Variants in SHROOM3 observed in about 807,000 individuals in gnomAD.
SHROOM3 encodes the protein protein Shroom3.
SHROOM3 carries 47 observed loss-of-function variants against 138.6 expected under a neutral mutation model. The ratio of observed to expected loss-of-function variants is 0.34; its 90% CI spans 0.27 to 0.43. The LOEUF (loss-of-function observed/expected upper bound fraction) is 0.43, where lower values mean the gene tolerates loss of function less well. Among genes scored for constraint, SHROOM3 ranks in the 20% least tolerant of loss-of-function variants. SHROOM3 has a pLI of 1.00. For synonymous variants in SHROOM3, 1,062 were observed against 1,063.3 expected, an observed-to-expected ratio of 1.00 and a Z score of 0.02; for missense variants, 2,491 against 2,596.5, an observed-to-expected ratio of 0.96 and a Z score of 0.88.
chr4:76,513,198 TTACATG>T, intron 1 of SHROOM3, among the ~76,000 whole-genome samples: 1 of 152,186 alleles, frequency 6.6e-6, no homozygotes, highest in East Asian at 1.9e-4. Flanking sequence ...ATCAGAGGTT[TTACATG>T]TATGCTTTCG....
At chr4:76,491,759 A>G (rs986745439) in intron 1 of SHROOM3, among the ~76,000 whole-genome samples, 7 of 152,168 alleles carry the variant, frequency 4.6e-5, no homozygotes, top group African/African-American at 1.7e-4. Context: ...TGGTCAAGCC[A>G]TTTTTAGATG....
At chr4:76,614,053 G>GTTTA (rs1734821400) in intron 2 of SHROOM3, among the ~76,000 whole-genome samples, 1 of 151,846 alleles carries the variant, frequency 6.6e-6, no homozygotes. Flanking sequence ...TTGTTTGTTT[G>GTTTA]TTTGTTTGTT....
rs189529635 is a variant in SHROOM3 at position 76,489,939 on chromosome 4, C to T, written c.168+53719C>T. Among the ~76,000 whole-genome samples the T allele has an allele frequency of 1.7e-3, 264 of 152,240 alleles. 3 individuals are homozygous for T. Among genetic ancestry groups the T allele is most frequent in the African/African-American group, 6.1e-3 (252 of 41,540 alleles). ...AACAAAAGCAGGGATTTATTGAAAACGAAAGTACCCTCCACAGTGTGGGGG... is the reference window on the plus strand; with the variant it reads ...AACAAAAGCAGGGATTTATTGAAAATGAAAGTACCCTCCACAGTGTGGGGG... On this transcript the variant is annotated intron_variant, in intron 1 of 10. Coordinates refer to ENST00000296043, the MANE Select transcript of SHROOM3 (RefSeq NM_020859.4).
intron 2 of SHROOM3, among the ~76,000 whole-genome samples, chr4:76,669,256 T>C (rs1444927357): frequency 6.6e-6 from 1 of 152,248 alleles, no homozygotes; most frequent in African/African-American, 2.4e-5. Flanking sequence ...TATAACTCTT[T>C]TGTATGTAGC....
At chr4:76,756,318 G>A (rs1309098743) in intron 7 of SHROOM3, 131 bp from the exon 8 acceptor site, 2 of 1,079,658 alleles carry the variant, frequency 1.9e-6, no homozygotes, top group East Asian at 2.6e-5. Flanking sequence ...TGTGGAAGAT[G>A]TGGAAAGCTA....
chr4:76,732,810 A>G (rs1483596395), intron 4 of SHROOM3, among the ~76,000 whole-genome samples: 2 of 152,220 alleles, frequency 1.3e-5, no homozygotes, highest in Non-Finnish European at 2.9e-5. Flanking sequence ...TGAGCAAATC[A>G]TTTAACCTTT....
At chr4:76,453,245 G>C (rs933214360) in intron 1 of SHROOM3, among the ~76,000 whole-genome samples, 25 of 151,828 alleles carry the variant, frequency 1.6e-4, no homozygotes, top group Admixed American at 1.0e-3. Context: ...GCAAACGCTT[G>C]ATATTTTCTA....
At chr4:76,489,633 C>T (rs933017026) in intron 1 of SHROOM3, among the ~76,000 whole-genome samples, 1 of 152,046 alleles carries the variant, frequency 6.6e-6, no homozygotes, top group Non-Finnish European at 1.5e-5. Context: ...CTCAGCAAGT[C>T]GAGGTTTTCC....
At chr4:76,582,215 A>G (rs1370076016) in intron 2 of SHROOM3, among the ~76,000 whole-genome samples, 1 of 152,170 alleles carries the variant, frequency 6.6e-6, no homozygotes, top group African/African-American at 2.4e-5. Context: ...CAAGAGTTCA[A>G]GAGGCTGTTT....
At chr4:76,675,267 T>C (rs1718999784) in intron 2 of SHROOM3, among the ~76,000 whole-genome samples, 1 of 152,128 alleles carries the variant, frequency 6.6e-6, no homozygotes, top group South Asian at 2.1e-4. Context: ...AGGGATCTCA[T>C]GCTGGATAAG....
chr4:76,634,799 G>A (rs115151415), intron 2 of SHROOM3, among the ~76,000 whole-genome samples: 3,906 of 152,228 alleles, frequency 0.026, 167 homozygotes, highest in African/African-American at 0.087. Context: ...AGGAAAAAAT[G>A]TTTGTGTGAC....
intron 2 of SHROOM3, among the ~76,000 whole-genome samples, chr4:76,674,066 GT>G (rs1487391737): frequency 6.6e-6 from 1 of 151,798 alleles, no homozygotes; most frequent in Non-Finnish European, 1.5e-5. Flanking sequence ...AGAGACAGGG[GT>G]CTTGCTATGT....
At chr4:76,671,011 T>C (rs1718865504) in intron 2 of SHROOM3, among the ~76,000 whole-genome samples, 1 of 152,198 alleles carries the variant, frequency 6.6e-6, no homozygotes, top group Non-Finnish European at 1.5e-5. Context: ...CCACTCCATT[T>C]TCTAATTTGT....
At position 76,727,928 on chromosome 4, in the gene SHROOM3, C is replaced by T. The variant is rs1039041901; in HGVS notation, c.456-2876C>T. On this transcript the variant is annotated intron_variant, in intron 3 of 10. Coordinates refer to ENST00000296043, the MANE Select transcript of SHROOM3 (RefSeq NM_020859.4). ...TTCAACTTTAGAAGGCCAAGGTGGG[C>T]GGATCACTTGAGGCCAGGAGTTTGA... Among the ~76,000 whole-genome samples the T allele has an allele frequency of 1.3e-4, 18 of 142,012 alleles. No individual in the cohort carries two copies. The South Asian group carries it at 1.8e-3, about 14-fold the overall frequency. The allele number at this position is 142,012 out of a possible 152,430, so 93.2% of individuals were successfully genotyped here.
At chr4:76,705,502 C>T (rs760199553) in intron 2 of SHROOM3, among the ~76,000 whole-genome samples, 17 of 151,932 alleles carry the variant, frequency 1.1e-4, no homozygotes, top group Non-Finnish European at 1.5e-4. Flanking sequence ...GTCTCAAAAA[C>T]GAAACAAAAC....
intron 2 of SHROOM3, among the ~76,000 whole-genome samples, chr4:76,676,944 C>CAAAAAAAA (rs58270392): frequency 3.8e-5 from 3 of 79,032 alleles, no homozygotes; most frequent in African/African-American, 1.1e-4. Flanking sequence ...CTCCGTCTCA[C>CAAAAAAAA]AAAAAAAAAA....
At chr4:76,653,973 T>TAGTAATGGAA (rs1422743752) in intron 2 of SHROOM3, among the ~76,000 whole-genome samples, 1 of 152,168 alleles carries the variant, frequency 6.6e-6, no homozygotes, top group Admixed American at 6.5e-5. Context: ...TAGAAGACTC[T>TAGTAATGGAA]AGTAATGGAG....
At chr4:76,778,722 A>G in intron 10 of SHROOM3, 87 bp from the exon 11 acceptor site, 1 of 1,571,312 alleles carries the variant, frequency 6.4e-7, no homozygotes, top group South Asian at 1.1e-5. Flanking sequence ...GATATTTCCC[A>G]GTCCTGTCAG....
chr4:76,667,713 A>T (rs1424124401), intron 2 of SHROOM3, among the ~76,000 whole-genome samples: 2 of 151,930 alleles, frequency 1.3e-5, no homozygotes, highest in Non-Finnish European at 2.9e-5. Context: ...TCACGCCTGT[A>T]ATCCCAGCAC....
Sources: gnomAD v4.1 joint callset for allele counts (sites outside exome capture counted in the v4.1 genomes callset) on GRCh38, gnomAD v4.1.1 for gene constraint, MANE v1.5 for transcripts, NCBI Gene and HGNC (gene_info 2026-07-23, HGNC 2026-07-21) for gene names.